CTNNA3: variants seen among roughly 807,000 people sequenced by gnomAD.
CTNNA3 encodes the protein catenin alpha 3.
CTNNA3 carries 76 observed loss-of-function variants against 95.7 expected under a neutral mutation model. That is an observed-to-expected ratio of 0.79 (90% CI 0.66 to 0.96). The LOEUF is 0.96. Ranked by LOEUF, CTNNA3 falls within the 40% of genes least tolerant of loss-of-function variation. The probability of loss-of-function intolerance (pLI) is 0.00; values close to 1 mark genes in which losing one functional copy is unlikely to be tolerated. For missense variants in CTNNA3, 1,191 were observed against 1,089.8 expected, an observed-to-expected ratio of 1.09 and a Z score of -1.31; for synonymous variants, 431 against 374.4, an observed-to-expected ratio of 1.15 and a Z score of -1.74.
chr10:66,239,363 T>C (rs1229397141), intron 13 of CTNNA3, among the ~76,000 whole-genome samples: 3 of 151,898 alleles, frequency 2.0e-5, no homozygotes, highest in Non-Finnish European at 4.4e-5. Context: ...AAAGCTAAGG[T>C]ATGATTATGC....
intron 9 of CTNNA3, among the ~76,000 whole-genome samples, chr10:66,720,735 G>A (rs899957591): frequency 6.6e-6 from 1 of 152,168 alleles, no homozygotes; most frequent in East Asian, 1.9e-4. Context: ...TTGGGAGGCT[G>A]AGGCAGGAGA....
chr10:66,603,753 T>A (rs181842033), intron 10 of CTNNA3, among the ~76,000 whole-genome samples: 1 of 152,080 alleles, frequency 6.6e-6, no homozygotes, highest in Non-Finnish European at 1.5e-5. Context: ...TGGAACAGAA[T>A]AGAGAATACA....
intron 1 of CTNNA3, among the ~76,000 whole-genome samples, chr10:67,651,490 G>A (rs985763773): frequency 2.6e-5 from 4 of 152,104 alleles, no homozygotes; most frequent in Admixed American, 6.5e-5. Context: ...CCATTAATTT[G>A]TCCAGTATGA....
At chr10:67,556,633 AT>A (rs1841266226) in intron 3 of CTNNA3, among the ~76,000 whole-genome samples, 1 of 151,206 alleles carries the variant, frequency 6.6e-6, no homozygotes, top group African/African-American at 2.4e-5. Context: ...CATCTATTTG[AT>A]TCTTCTCTCT....
intron 1 of CTNNA3, among the ~76,000 whole-genome samples, chr10:67,691,909 G>C (rs541845449): frequency 6.7e-6 from 1 of 148,356 alleles, no homozygotes; most frequent in Non-Finnish European, 1.5e-5. Flanking sequence ...CCCCCCGCCC[G>C]GCCAGCCACC....
chr10:66,920,210 T>C (rs753190149), intron 7 of CTNNA3, among the ~76,000 whole-genome samples: 16 of 152,234 alleles, frequency 1.1e-4, no homozygotes, highest in Non-Finnish European at 1.8e-4. Context: ...TTATAAATAT[T>C]GTACAATGTA....
intron 5 of CTNNA3, among the ~76,000 whole-genome samples, chr10:67,223,677 T>C (rs1030679309): frequency 6.6e-6 from 1 of 152,154 alleles, no homozygotes; most frequent in African/African-American, 2.4e-5. Flanking sequence ...TTTTAAAAAA[T>C]ACAAGTGGAG....
intron 7 of CTNNA3, among the ~76,000 whole-genome samples, chr10:66,953,818 C>T (rs1322584377): frequency 1.3e-5 from 2 of 151,982 alleles, no homozygotes; most frequent in African/African-American, 4.8e-5. Context: ...CTTTGTAGGC[C>T]AGGTTCTAGA....
At chr10:66,833,988 T>C (rs2132328384) in intron 7 of CTNNA3, among the ~76,000 whole-genome samples, 1 of 152,292 alleles carries the variant, frequency 6.6e-6, no homozygotes, top group East Asian at 1.9e-4. Flanking sequence ...CTTGCCAAAA[T>C]GTTATTGGGA....
chr10:67,624,988 C>T (rs1041405265), intron 2 of CTNNA3, among the ~76,000 whole-genome samples: 8 of 151,842 alleles, frequency 5.3e-5, no homozygotes, highest in Non-Finnish European at 7.4e-5. Context: ...GTGAAGAGTC[C>T]CTCTTGTTTT....
chr10:67,058,843 C>T (rs754136097), intron 7 of CTNNA3, among the ~76,000 whole-genome samples: 3 of 152,278 alleles, frequency 2.0e-5, no homozygotes, highest in South Asian at 4.1e-4. Flanking sequence ...GATTCTTAGA[C>T]ACATATCAAT....
At chr10:65,927,932 T>C (rs557910214) in intron 17 of CTNNA3, among the ~76,000 whole-genome samples, 1 of 152,300 alleles carries the variant, frequency 6.6e-6, no homozygotes, top group South Asian at 2.1e-4. Flanking sequence ...AGCATTATAG[T>C]TATTCTGCAT....
chr10:66,903,394 A>G (rs1255673619), intron 7 of CTNNA3, among the ~76,000 whole-genome samples: 1 of 152,236 alleles, frequency 6.6e-6, no homozygotes, highest in Non-Finnish European at 1.5e-5. Flanking sequence ...AATAGGAGCT[A>G]TTTATGACAA....
intron 5 of CTNNA3, among the ~76,000 whole-genome samples, chr10:67,247,563 T>G (rs999544550): frequency 2.0e-5 from 3 of 152,196 alleles, no homozygotes; most frequent in Non-Finnish European, 4.4e-5. Context: ...AGTATTTTTA[T>G]GATGACATTA....
At chr10:66,991,611 G>A (rs1851042317) in intron 7 of CTNNA3, among the ~76,000 whole-genome samples, 1 of 152,104 alleles carries the variant, frequency 6.6e-6, no homozygotes, top group Non-Finnish European at 1.5e-5. Flanking sequence ...GAGTGCAATG[G>A]CGTGATCTTG....
At chr10:66,997,454 C>T (rs961066912) in intron 7 of CTNNA3, among the ~76,000 whole-genome samples, 1 of 152,178 alleles carries the variant, frequency 6.6e-6, no homozygotes, top group Non-Finnish European at 1.5e-5. Context: ...ACTGATAAAA[C>T]AATAACATTT....
At chr10:65,956,979 A>G (rs919048645) in intron 17 of CTNNA3, among the ~76,000 whole-genome samples, 5 of 152,130 alleles carry the variant, frequency 3.3e-5, no homozygotes, top group African/African-American at 1.2e-4. Flanking sequence ...TCTAATGTTG[A>G]CAGTGGGGTG....
chr10:65,990,612 G>A (rs1360701699), intron 15 of CTNNA3, among the ~76,000 whole-genome samples: 1 of 150,920 alleles, frequency 6.6e-6, no homozygotes, highest in Non-Finnish European at 1.5e-5. Flanking sequence ...TTAGTTCCAT[G>A]TATTCTCTGA....
At chr10:67,517,558 A>G (rs1839857834) in intron 5 of CTNNA3, among the ~76,000 whole-genome samples, 2 of 152,182 alleles carry the variant, frequency 1.3e-5, no homozygotes, top group African/African-American at 4.8e-5. Flanking sequence ...TCACTAAAAA[A>G]GTACCATGTG....
Sources: gnomAD v4.1 joint callset for allele counts (sites outside exome capture counted in the v4.1 genomes callset) on GRCh38, gnomAD v4.1.1 for gene constraint, MANE v1.5 for transcripts, NCBI Gene and HGNC (gene_info 2026-07-23, HGNC 2026-07-21) for gene names.